The following TRHDE variants were observed in gnomAD, a reference collection of about 807,000 sequenced individuals.
TRHDE encodes thyrotropin releasing hormone degrading enzyme, also known as thyrotropin-releasing hormone-degrading ectoenzyme.
Under a neutral mutation model 125.7 loss-of-function variants are expected in TRHDE, and 72 were observed. The observed-to-expected ratio is 0.57, with a 90% CI of 0.47 to 0.70. TRHDE has a LOEUF of 0.70. Ranked by LOEUF, TRHDE falls within the 30% of genes least tolerant of loss-of-function variation. The pLI, the probability that TRHDE is intolerant of heterozygous loss-of-function variation, is 0.00. For synonymous variants in TRHDE, 509 were observed against 509.1 expected (o/e 1.00, Z 0.00); for missense variants, 1,110 against 1,327.1 (o/e 0.84, Z 2.54).
In TRHDE at chr12:72,551,450, T is replaced by G. The variant is rs184465430; in HGVS notation, c.1788+9094T>G. On this transcript the variant is annotated intron_variant, in intron 7 of 18. Coordinates refer to ENST00000261180, the MANE Select transcript of TRHDE (RefSeq NM_013381.3). ...TTTACTGATCATTTTCTTTTCCATT[T>G]AAGAACAATAACACATATAAGTGTT... Among the ~76,000 whole-genome samples the G allele has an allele frequency of 7.1e-4, 108 of 152,296 alleles. 1 individual carries two copies. Among genetic ancestry groups the G allele is most frequent in the Admixed American group, 3.4e-3 (52 of 15,280 alleles).
At chr12:72,147,332 C>A (rs1876252821) in intron 2 of TRHDE, among the ~76,000 whole-genome samples, 1 of 152,080 alleles carries the variant, frequency 6.6e-6, no homozygotes, top group Non-Finnish European at 1.5e-5. Context: ...GGTTCAGCAA[C>A]TTCAGGTTTC....
intron 2 of TRHDE, among the ~76,000 whole-genome samples, chr12:72,340,276 G>GT (rs1425244545): frequency 1.3e-5 from 2 of 152,146 alleles, no homozygotes; most frequent in Non-Finnish European, 2.9e-5. Flanking sequence ...CTACCCAGAT[G>GT]TTTTTTGTTA....
intron 3 of TRHDE, chr12:72,431,880 T>G (rs1035420061): frequency 6.2e-6 from 1 of 160,478 alleles, no homozygotes; most frequent in Non-Finnish European, 1.4e-5. Flanking sequence ...TTGGACCAGA[T>G]GCTGGAAGAG....
intron 2 of TRHDE, among the ~76,000 whole-genome samples, chr12:72,310,117 A>C (rs1437832299): frequency 6.6e-6 from 1 of 152,136 alleles, no homozygotes; most frequent in Non-Finnish European, 1.5e-5. Context: ...TGGGCCATGG[A>C]GTCTGGAGCC....
intron 3 of TRHDE, among the ~76,000 whole-genome samples, chr12:72,396,541 C>T (rs1444768018): frequency 1.3e-5 from 2 of 152,004 alleles, no homozygotes; most frequent in East Asian, 1.9e-4. Flanking sequence ...GTCAAGAAAT[C>T]GAGACCATCC....
chr12:72,334,387 G>A lies in TRHDE; in HGVS notation c.1189-43608G>A, dbSNP rs80011735. Among the ~76,000 whole-genome samples the A allele has an allele frequency of 4.0e-3, 602 of 152,280 alleles. 4 individuals are homozygous for A. Among genetic ancestry groups the A allele is most frequent in the Middle Eastern group, 0.014 (4 of 294 alleles). On this transcript the variant is annotated intron_variant, in intron 2 of 18. Coordinates refer to ENST00000261180, the MANE Select transcript of TRHDE (RefSeq NM_013381.3). ...TCAAACTCTAGTTTGTTGTGAGTGCGCATTCCTTAGGAGCTTGCATTTTAA... is the reference window on the plus strand; with the variant it reads ...TCAAACTCTAGTTTGTTGTGAGTGCACATTCCTTAGGAGCTTGCATTTTAA...
In TRHDE at chr12:72,273,809, G is replaced by C; in HGVS notation, c.914+252G>C. 2.1e-6 allele frequency: 1 copy of C among 475,494 alleles called. No homozygotes were observed. The highest frequency in any genetic ancestry group is 4.3e-5 in the South Asian group (1 of 23,510). 29.5% of individuals were successfully genotyped at this position (475,494 alleles called of 1,614,324 possible). A position where few individuals can be genotyped will look rare whatever the true frequency, so the allele number is the denominator to read the frequency against. ...GAATGCTGCCCCCTCCTCTAGTCGG[G>C]ACCTCTCCTCTTCCTGTCAGAGTTC... On this transcript the variant is annotated intron_variant, in intron 1 of 18. Coordinates refer to ENST00000261180, the MANE Select transcript of TRHDE (RefSeq NM_013381.3). The surrounding 1 kb of genome is among the most constrained non-coding windows in gnomAD (Gnocchi z 5.3).
At chr12:72,200,348 C>T (rs564903112) in intron 2 of TRHDE, among the ~76,000 whole-genome samples, 1 of 152,108 alleles carries the variant, frequency 6.6e-6, no homozygotes, top group Non-Finnish European at 1.5e-5. Context: ...AATGTTCAAA[C>T]CTCAGTTTAT....
rs183938091 is a variant in TRHDE, at chr12:72,391,196, G to A, written c.1315+13075G>A. Among the ~76,000 whole-genome samples, 5 of 152,284 alleles carry A rather than the reference G, an allele frequency of 3.3e-5. No homozygotes were observed. The East Asian group carries it at 9.6e-4, about 29-fold the overall frequency. On this transcript the variant is annotated intron_variant, in intron 3 of 18. Coordinates refer to ENST00000261180, the MANE Select transcript of TRHDE (RefSeq NM_013381.3). ...TTTTGAGACGTTTTAAATGAAAAAT[G>A]TACTCCTGGCCCACCTTTTAGTCTT... is the stretch of plus-strand genomic sequence containing the variant.
At chr12:72,533,394 C>T (rs1177972540) in intron 6 of TRHDE, among the ~76,000 whole-genome samples, 1 of 151,986 alleles carries the variant, frequency 6.6e-6, no homozygotes, top group Non-Finnish European at 1.5e-5. Flanking sequence ...AAGATGTTCT[C>T]GATTTCCTGA....
At chr12:72,227,408 A>T (rs755999208) in intron 2 of TRHDE, among the ~76,000 whole-genome samples, 2 of 152,076 alleles carry the variant, frequency 1.3e-5, no homozygotes, top group Non-Finnish European at 2.9e-5. Context: ...ATCTCATGAA[A>T]CTTATTCACT....
intron 2 of TRHDE, among the ~76,000 whole-genome samples, chr12:72,225,578 T>C (rs1006877330): frequency 1.3e-5 from 2 of 152,146 alleles, no homozygotes; most frequent in Admixed American, 6.6e-5. Context: ...GAAAAAATAA[T>C]TGTTTTGGTT....
intron 12 of TRHDE, among the ~76,000 whole-genome samples, chr12:72,600,427 T>A (rs1029832948): frequency 1.4e-4 from 22 of 152,086 alleles, no homozygotes; most frequent in Admixed American, 1.2e-3. Flanking sequence ...ATCTATGACT[T>A]ATTTCAGCAG....
At chr12:72,365,129 T>C (rs543601688) in intron 2 of TRHDE, among the ~76,000 whole-genome samples, 2 of 152,162 alleles carry the variant, frequency 1.3e-5, no homozygotes, top group African/African-American at 4.8e-5. Flanking sequence ...GTTGTTAGAG[T>C]TAAAAATAAT....
At chr12:72,407,596 GA>G (rs1873320527) in intron 3 of TRHDE, among the ~76,000 whole-genome samples, 1 of 152,132 alleles carries the variant, frequency 6.6e-6, no homozygotes, top group African/African-American at 2.4e-5. Flanking sequence ...TGTGTTTTTA[GA>G]AATGTAAGAT....
intron 5 of TRHDE, among the ~76,000 whole-genome samples, chr12:72,483,587 G>T (rs894220714): frequency 2.6e-5 from 4 of 151,764 alleles, no homozygotes; most frequent in Non-Finnish European, 4.4e-5. Context: ...ATTCTGAAGA[G>T]CAAAGCTTTT....
intron 6 of TRHDE, among the ~76,000 whole-genome samples, chr12:72,529,304 C>T (rs1373303825): frequency 6.6e-6 from 1 of 151,836 alleles, no homozygotes; most frequent in Non-Finnish European, 1.5e-5. Context: ...GAGGATATTG[C>T]CAGATATACA....
chr12:72,455,629 C>T (rs1425627675), intron 3 of TRHDE, among the ~76,000 whole-genome samples: 1 of 151,970 alleles, frequency 6.6e-6, no homozygotes, highest in African/African-American at 2.4e-5. Flanking sequence ...TGAAAACTTA[C>T]CTAGTAGTCA....
intron 3 of TRHDE, among the ~76,000 whole-genome samples, chr12:72,422,516 G>A (rs111384832): frequency 9.9e-5 from 15 of 152,228 alleles, no homozygotes; most frequent in African/African-American, 3.4e-4. Context: ...TAATTTTTAT[G>A]GCTTCATAAC....
Sources: gnomAD v4.1 joint callset for allele counts (sites outside exome capture counted in the v4.1 genomes callset) on GRCh38, gnomAD v4.1.1 for gene constraint, Gnocchi (gnomAD v3.1) non-coding constraint, MANE v1.5 for transcripts, NCBI Gene and HGNC (gene_info 2026-07-23, HGNC 2026-07-21) for gene names.